Variants in ZDHHC15 observed in about 807,000 individuals in gnomAD.
ZDHHC15 encodes the protein palmitoyltransferase ZDHHC15.
A neutral mutation model predicts 31.7 loss-of-function variants in ZDHHC15; 19 were observed. That is an observed-to-expected ratio of 0.60 (90% CI 0.42 to 0.88). ZDHHC15 has a LOEUF of 0.88. ZDHHC15 is among the 40% of genes least tolerant of loss of function. The pLI is 0.00. For missense variants in ZDHHC15, 209 were observed against 251.2 expected (o/e 0.83, Z 1.14); for synonymous variants, 103 against 90.0 (o/e 1.14, Z -0.82).
chrX:75,458,757 A>C (rs939568885), intron 3 of ZDHHC15, among the ~76,000 whole-genome samples: 5 of 109,783 alleles, frequency 4.6e-5, no homozygotes, highest in Non-Finnish European at 7.6e-5. Context: ...GAACAAATTC[A>C]TACTGTTTTT....
intron 2 of ZDHHC15, among the ~76,000 whole-genome samples, chrX:75,490,433 AT>A (rs1215585032): frequency 7.2e-5 from 8 of 111,752 alleles, no homozygotes; most frequent in Non-Finnish European, 1.1e-4. Context: ...GAAGGCCAAT[AT>A]TCAACATTCT....
chrX:75,464,068 A>G (rs753213819), intron 3 of ZDHHC15, among the ~76,000 whole-genome samples: 1 of 112,165 alleles, frequency 8.9e-6, no homozygotes, highest in Non-Finnish European at 1.9e-5. Context: ...GGATTAAGGA[A>G]ATGTGGCACA....
intron 3 of ZDHHC15, among the ~76,000 whole-genome samples, chrX:75,452,427 C>T (rs773316505): frequency 1.2e-4 from 13 of 110,760 alleles, no homozygotes; most frequent in African/African-American, 4.3e-4. Flanking sequence ...TTAGACTCCA[C>T]ACAATAATAA....
chrX:75,485,772 T>TC, intron 2 of ZDHHC15, among the ~76,000 whole-genome samples: 1 of 112,443 alleles, frequency 8.9e-6, no homozygotes, highest in East Asian at 2.8e-4. Context: ...CAAAGCTCAC[T>TC]CCATCCGTAA....
intron 9 of ZDHHC15, among the ~76,000 whole-genome samples, chrX:75,418,596 T>C (rs1371158301): frequency 8.9e-6 from 1 of 111,934 alleles, no homozygotes; most frequent in Non-Finnish European, 1.9e-5. Context: ...AAAAATAGCA[T>C]GGTACTGATA....
chrX:75,370,654 C>T lies in ZDHHC15; in HGVS notation c.*2324G>A, dbSNP rs1442949060. The T allele has an allele frequency of 9.1e-6, 1 of 109,380 alleles. No homozygotes were observed. Among genetic ancestry groups the T allele is most frequent in the Non-Finnish European group, 1.9e-5 (1 of 52,826 alleles). 9.0% of individuals were successfully genotyped at this position (109,380 alleles called of 1,213,427 possible). ...TCAAGCGATTCTCCTGCCTCAGCCT[C>T]CTGAGTAGCTGGGATTACAGTCATG... On this transcript the variant is annotated 3_prime_UTR_variant, in exon 12 of 12. Transcript: ENST00000373367.
At chrX:75,434,171 C>A (rs892406177) in intron 4 of ZDHHC15, among the ~76,000 whole-genome samples, 3 of 111,383 alleles carry the variant, frequency 2.7e-5, no homozygotes, top group African/African-American at 9.8e-5. Flanking sequence ...GTCCTTAGCC[C>A]ACTTTTTGAT....
chrX:75,421,907 A>G lies in ZDHHC15; in HGVS notation c.820T>C (p.Phe274Leu). The G allele has an allele frequency of 8.3e-7, 1 of 1,210,253 alleles. No homozygotes were observed. Among genetic ancestry groups the G allele is most frequent in the Non-Finnish European group, 1.1e-6 (1 of 894,706 alleles). The change falls in exon 9 of 12, where the codon TTT becomes CTT. Residue 274 changes from phenylalanine to leucine, a missense_variant. By Grantham distance (22) the Phe-to-Leu change is conservative. Transcript: ENST00000373367. ...LGFIKNIQQV[F>L]GDKKKFWLIP... is the part of the protein sequence containing the mutation. ...AACCAGAACTTCTTCTTATCTCCAA[A>G]CACCTGCTGGATATTCTTGATGAAG...
At chrX:75,428,149 C>A (rs1334911919) in intron 7 of ZDHHC15, among the ~76,000 whole-genome samples, 1 of 110,841 alleles carries the variant, frequency 9.0e-6, no homozygotes, top group Non-Finnish European at 1.9e-5. Flanking sequence ...GTAGCTCTGT[C>A]CACATCTGTC....
At chrX:75,378,698 G>A (rs1171173203) in intron 11 of ZDHHC15, among the ~76,000 whole-genome samples, 1 of 111,631 alleles carries the variant, frequency 9.0e-6, no homozygotes, top group African/African-American at 3.3e-5. Context: ...GTGTAGGAAG[G>A]ATGCTTTTTT....
rs35704680 is a variant in ZDHHC15 at position 75,373,926 on chromosome X, G to GTTTTTTTTTTTTTTTTTT, written c.*33-999_*33-982dup. On this transcript the variant is annotated intron_variant, in intron 11 of 11. Transcript: ENST00000373367. The stretch of plus-strand genomic sequence containing the variant: ...ATACTAGGTCTTATTCATTCTTTCT[G>GTTTTTTTTTTTTTTTTTT]TTTTTTTTTTTTTTTTTTTTTTGTA... Among the ~76,000 whole-genome samples the GTTTTTTTTTTTTTTTTTT allele has an allele frequency of 6.5e-4, 33 of 50,457 alleles. 2 individuals are homozygous for GTTTTTTTTTTTTTTTTTT. In the South Asian group the frequency reaches 7.6e-3, roughly 12 times the overall value. The allele number at this position is 50,457 out of a possible 115,157, so 43.8% of individuals were successfully genotyped here. A position where few individuals can be genotyped will look rare whatever the true frequency, so the allele number is the denominator to read the frequency against.
At chrX:75,513,736 A>C (rs1361763833) in intron 1 of ZDHHC15, among the ~76,000 whole-genome samples, 1 of 111,869 alleles carries the variant, frequency 8.9e-6, no homozygotes, top group African/African-American at 3.2e-5. Context: ...TTTGGTAAAA[A>C]ATATGAATCT....
At position 75,469,719 on chromosome X, in the gene ZDHHC15, C is replaced by G. The variant is rs1602680217; in HGVS notation, c.258+9172G>C. 3.6e-5 allele frequency among the ~76,000 whole-genome samples: 4 copies of G among 111,766 alleles called. No individual in the cohort carries two copies. In the Admixed American group the frequency reaches 3.8e-4, roughly 11 times the overall value. ...CATCTCTTTGAGACCTTGCTGTCAACTCTTTTGGGTATAAACCCAAAAGTG... is the reference window on the plus strand; with the variant it reads ...CATCTCTTTGAGACCTTGCTGTCAAGTCTTTTGGGTATAAACCCAAAAGTG... On this transcript the variant is annotated intron_variant, in intron 3 of 11. Coordinates refer to ENST00000373367, the MANE Select transcript of ZDHHC15 (RefSeq NM_144969.3).
intron 2 of ZDHHC15, among the ~76,000 whole-genome samples, chrX:75,484,397 C>T (rs897018658): frequency 8.9e-6 from 1 of 111,931 alleles, no homozygotes; most frequent in African/African-American, 3.2e-5. Context: ...AGGAAAAAGA[C>T]TAAACAGACA....
Position 75,488,566 on chromosome X carries a change from TC to T in ZDHHC15, c.164-9582del, listed in dbSNP as rs759513125. Among the ~76,000 whole-genome samples the T allele has an allele frequency of 1.1e-4, 12 of 112,215 alleles. No individual in the cohort carries two copies. The South Asian group carries it at 4.4e-3, about 41-fold the overall frequency. ...CCTCAAATTACACCAAAATAAAATT[TC>T]CTTAAAGCATAAATCCCACAGGACA... On this transcript the variant is annotated intron_variant, in intron 2 of 11. Transcript: ENST00000373367.
At chrX:75,378,273 G>T (rs1467003839) in intron 11 of ZDHHC15, among the ~76,000 whole-genome samples, 1 of 111,729 alleles carries the variant, frequency 9.0e-6, no homozygotes, top group East Asian at 2.8e-4. Context: ...AGTAAAATGG[G>T]AATAGTAACA....
chrX:75,497,758 A>T (rs770662068), intron 2 of ZDHHC15, among the ~76,000 whole-genome samples: 44 of 111,160 alleles, frequency 4.0e-4, no homozygotes, highest in African/African-American at 1.3e-3. Flanking sequence ...CAGAAAAAGC[A>T]TTTGATGAAA....
chrX:75,492,931 C>G (rs1352251481), intron 2 of ZDHHC15, among the ~76,000 whole-genome samples: 1 of 111,503 alleles, frequency 9.0e-6, no homozygotes, highest in Non-Finnish European at 1.9e-5. Context: ...TAACTAAGAT[C>G]AGAGCAGAAC....
At chrX:75,396,409 G>A (rs1439876577) in intron 10 of ZDHHC15, among the ~76,000 whole-genome samples, 2 of 111,792 alleles carry the variant, frequency 1.8e-5, no homozygotes, top group Non-Finnish European at 3.8e-5. Flanking sequence ...CAACATCATT[G>A]ATCAGAGAAA....
Sources: gnomAD v4.1 joint callset for allele counts (sites outside exome capture counted in the v4.1 genomes callset) on GRCh38, gnomAD v4.1.1 for gene constraint, MANE v1.5 for transcripts, NCBI Gene and HGNC (gene_info 2026-07-23, HGNC 2026-07-21) for gene names.